Variants in USP10 observed in about 807,000 individuals in gnomAD.
USP10 encodes ubiquitin carboxyl-terminal hydrolase 10.
USP10 carries 22 observed loss-of-function variants against 84.5 expected under a neutral mutation model. The ratio of observed to expected loss-of-function variants is 0.26; its 90% CI spans 0.19 to 0.37. The LOEUF (loss-of-function observed/expected upper bound fraction) is 0.37. Among genes scored for constraint, USP10 ranks in the 10% least tolerant of loss-of-function variants. USP10 has a pLI of 1.00. For synonymous variants in USP10, 454 were observed against 387.6 expected (o/e 1.17, Z -2.01); for missense variants, 1,019 against 998.9 (o/e 1.02, Z -0.27).
At chr16:84,723,698 C>G (rs527388657) in intron 1 of USP10, among the ~76,000 whole-genome samples, 14 of 152,168 alleles carry the variant, frequency 9.2e-5, no homozygotes, top group African/African-American at 3.1e-4. Flanking sequence ...GGATCTAACT[C>G]GATTCTTGTA....
chr16:84,732,523 T>C (rs573728189), intron 1 of USP10: 37 of 384,654 alleles, frequency 9.6e-5, no homozygotes, highest in African/African-American at 7.6e-4. Context: ...CTCAGCTCAC[T>C]GCAACCTCGG....
At chr16:84,725,940 T>A (rs1256866268) in intron 1 of USP10, among the ~76,000 whole-genome samples, 3 of 152,228 alleles carry the variant, frequency 2.0e-5, no homozygotes, top group Non-Finnish European at 4.4e-5. Context: ...TCTTGTGTAT[T>A]TGACTGTGAC....
rs990075969 is a variant in USP10, at chr16:84,779,862, T to G, written c.*780T>G. 2 of 152,322 alleles carry G rather than the reference T, an allele frequency of 1.3e-5. No individual in the cohort carries two copies. The allele number at this position is 152,322 out of a possible 1,614,324, so 9.4% of individuals were successfully genotyped here. A position where few individuals can be genotyped will look rare whatever the true frequency, so the allele number is the denominator to read the frequency against. ...GCTGCGTCCCTAATTGTACACAGTT[T>G]AGTGATATCTAGGAGTATAAAGTTG... On this transcript the variant is annotated 3_prime_UTR_variant, in exon 14 of 14. Transcript: ENST00000219473.
In USP10 at chr16:84,713,355, C is replaced by G. The variant is rs558610033; in HGVS notation, c.21+13244C>G. ...CAGTGAGTCTCTGTGCCTGGGCCAT[C>G]TTCTTACACCCACTTTACCCACCTT... On this transcript the variant is annotated intron_variant, in intron 1 of 13. Coordinates refer to ENST00000219473, the MANE Select transcript of USP10 (RefSeq NM_005153.3). 1.1e-4 allele frequency among the ~76,000 whole-genome samples: 16 copies of G among 152,184 alleles called. No homozygotes were observed. The South Asian group carries it at 2.7e-3, about 26-fold the overall frequency.
At chr16:84,757,402 G>GGT (rs58812391) in intron 4 of USP10, among the ~76,000 whole-genome samples, 94 of 82,852 alleles carry the variant, frequency 1.1e-3, no homozygotes, top group African/African-American at 4.6e-3. Flanking sequence ...GAGGGGTGGG[G>GGT]GTGTGTGTGT....
intron 1 of USP10, among the ~76,000 whole-genome samples, chr16:84,709,601 G>T (rs1906011870): frequency 6.6e-6 from 1 of 152,112 alleles, no homozygotes; most frequent in Admixed American, 6.5e-5. Flanking sequence ...TTTAGGGCAG[G>T]GTCCTTGGAC....
chr16:84,734,020 A>G (rs1909579571), intron 2 of USP10, among the ~76,000 whole-genome samples: 2 of 152,220 alleles, frequency 1.3e-5, no homozygotes, highest in African/African-American at 4.8e-5. Context: ...ATTTACTTAC[A>G]TATTTTCCTG....
In USP10 at chr16:84,775,593, C is replaced by G. The variant is rs1311229176; in HGVS notation, c.2209+368C>G. ...TTTCCACGACACCTGGTCACCCAGC[C>G]AGGTTGGGTGAGCGCGCCCCCAGCC... On this transcript the variant is annotated intron_variant, in intron 13 of 13. Transcript: ENST00000219473. Among the ~76,000 whole-genome samples, 4 of 152,186 alleles carry G rather than the reference C, an allele frequency of 2.6e-5. No individual in the cohort carries two copies. In the East Asian group the frequency reaches 7.7e-4, roughly 29 times the overall value.
chr16:84,773,106 C>T (rs1314860271), intron 12 of USP10, among the ~76,000 whole-genome samples: 5 of 152,136 alleles, frequency 3.3e-5, no homozygotes, highest in Admixed American at 1.3e-4. Flanking sequence ...GTTGTGGTGG[C>T]GCACAAATAA....
At chr16:84,735,212 TG>T (rs1196228077) in intron 2 of USP10, among the ~76,000 whole-genome samples, 1 of 62,682 alleles carries the variant, frequency 1.6e-5, no homozygotes, top group Non-Finnish European at 2.9e-5. Context: ...TGTGTGTGTG[TG>T]TGTGTGTGTG....
intron 3 of USP10, 94 bp downstream of exon 3, chr16:84,740,463 A>G: frequency 9.5e-7 from 1 of 1,056,122 alleles, no homozygotes; most frequent in Admixed American, 2.3e-5. Flanking sequence ...CATTTGAATA[A>G]ACATTTCTTT....
chr16:84,753,653 T>TG (rs1270682787), intron 4 of USP10, among the ~76,000 whole-genome samples: 3 of 152,212 alleles, frequency 2.0e-5, no homozygotes, highest in Non-Finnish European at 4.4e-5. Flanking sequence ...CCCTTTACTG[T>TG]GCGTCTTCTC....
At chr16:84,756,132 A>G (rs1311576490) in intron 4 of USP10, among the ~76,000 whole-genome samples, 1 of 128,484 alleles carries the variant, frequency 7.8e-6, no homozygotes, top group Non-Finnish European at 1.6e-5. Context: ...CTTAGCCTGT[A>G]CAGTGTGTGT....
intron 1 of USP10, among the ~76,000 whole-genome samples, chr16:84,714,558 A>G (rs1035235510): frequency 2.0e-5 from 3 of 152,092 alleles, no homozygotes; most frequent in Non-Finnish European, 4.4e-5. Flanking sequence ...TTAGATCTCA[A>G]GAGCCTTAAC....
chr16:84,732,343 C>T (rs747486817), intron 1 of USP10: 106 of 356,454 alleles, frequency 3.0e-4, no homozygotes, highest in Non-Finnish European at 3.7e-4. Context: ...ACTGATCATA[C>T]GTGGGCATTT....
intron 1 of USP10, among the ~76,000 whole-genome samples, chr16:84,711,294 G>A (rs1457683331): frequency 6.6e-6 from 1 of 152,154 alleles, no homozygotes; most frequent in Non-Finnish European, 1.5e-5. Context: ...AACCTTAAGA[G>A]CTGCTCTGGC....
chr16:84,706,583 C>G (rs946330402), intron 1 of USP10, among the ~76,000 whole-genome samples: 1 of 150,500 alleles, frequency 6.6e-6, no homozygotes, highest in East Asian at 1.9e-4. Flanking sequence ...CTCTGTCACC[C>G]AGGCTGGAGT....
intron 1 of USP10, among the ~76,000 whole-genome samples, chr16:84,705,189 C>G (rs1331357312): frequency 6.6e-6 from 1 of 151,884 alleles, no homozygotes; most frequent in East Asian, 1.9e-4. Context: ...GAGAGTATCC[C>G]TAATAAAAAG....
In USP10 at chr16:84,744,875, G is replaced by T. The variant is rs752814799; in HGVS notation, c.394G>T (p.Ala132Ser). Reference protein sequence around the residue: ...LALDGSSNVEAEVLENDGVSG... With the variant: ...LALDGSSNVESEVLENDGVSG... ...TTTGGATGGAAGTTCTAATGTGGAGGCGGAAGTTTTGGAAAATGATGGTGT... is the reference window on the plus strand; with the variant it reads ...TTTGGATGGAAGTTCTAATGTGGAGTCGGAAGTTTTGGAAAATGATGGTGT... Residue 132 changes from alanine to serine, a missense_variant, in exon 4 of 14, where the codon GCG becomes TCG. By Grantham distance (99) the Ala-to-Ser change is moderately conservative. Coordinates refer to ENST00000219473, the MANE Select transcript of USP10 (RefSeq NM_005153.3). 7 of 1,613,662 alleles carry T rather than the reference G, an allele frequency of 4.3e-6. No individual in the cohort carries two copies. The highest frequency in any genetic ancestry group is 4.2e-6 in the Non-Finnish European group (5 of 1,179,734).
Sources: gnomAD v4.1 joint callset for allele counts (sites outside exome capture counted in the v4.1 genomes callset) on GRCh38, gnomAD v4.1.1 for gene constraint, MANE v1.5 for transcripts, NCBI Gene and HGNC (gene_info 2026-07-23, HGNC 2026-07-21) for gene names.